Variants in DNAJC3 observed in about 807,000 individuals in gnomAD.
DNAJC3 encodes the protein DnaJ heat shock protein family (Hsp40) member C3.
In DNAJC3, 38 loss-of-function variants were observed where a neutral mutation model predicts 68.6. That is an observed-to-expected ratio of 0.55 (90% confidence interval 0.43 to 0.73). DNAJC3 has a LOEUF of 0.73. Among genes scored for constraint, DNAJC3 ranks in the 30% least tolerant of loss-of-function variants. The pLI is 0.00. For missense variants in DNAJC3, 526 were observed against 591.9 expected, an observed-to-expected ratio of 0.89 and a Z score of 1.16; for synonymous variants, 203 against 204.0, an observed-to-expected ratio of 1.00 and a Z score of 0.04.
intron 2 of DNAJC3, among the ~76,000 whole-genome samples, chr13:95,713,107 G>T (rs540803428): frequency 2.0e-5 from 3 of 152,044 alleles, no homozygotes; most frequent in African/African-American, 7.3e-5. Flanking sequence ...TACTCATGCC[G>T]AACTGTGAGT....
chr13:95,784,265 T>C (rs17878678), intron 9 of DNAJC3, among the ~76,000 whole-genome samples: 2,606 of 152,278 alleles, frequency 0.017, 78 homozygotes, highest in African/African-American at 0.06. Flanking sequence ...TTCCCTAGAC[T>C]ATCCCCAGAT....
chr13:95,745,739 A>G (rs550932055), intron 4 of DNAJC3: 1 of 152,138 alleles, frequency 6.6e-6, no homozygotes, highest in South Asian at 2.1e-4. Context: ...TCCCCTGCAC[A>G]CTCCAGAATA....
intron 2 of DNAJC3, among the ~76,000 whole-genome samples, chr13:95,712,430 G>A (rs917364459): frequency 6.8e-6 from 1 of 147,512 alleles, no homozygotes; most frequent in Non-Finnish European, 1.5e-5. Context: ...AAGCTGGAGT[G>A]TAGTAGTGCA....
rs368235535 is a variant in DNAJC3, at chr13:95,763,801, A to G, written c.955-32A>G. 3 of 1,613,816 alleles carry G rather than the reference A, an allele frequency of 1.9e-6. No homozygotes were observed. In the African/African-American group the frequency reaches 4.0e-5, roughly 22 times the overall value. ...TGAAAACTCAACATGTGGAATACCAACCATAAATCCTTGTCTCACATTTCC... is the reference window on the plus strand; with the variant it reads ...TGAAAACTCAACATGTGGAATACCAGCCATAAATCCTTGTCTCACATTTCC... On this transcript the variant is annotated intron_variant, in intron 8 of 11. Coordinates refer to ENST00000602402, the MANE Select transcript of DNAJC3 (RefSeq NM_006260.5).
intron 4 of DNAJC3, among the ~76,000 whole-genome samples, chr13:95,747,086 TA>T (rs1882326654): frequency 6.6e-6 from 1 of 152,362 alleles, no homozygotes; most frequent in Admixed American, 6.5e-5. Context: ...TAAATTTAAA[TA>T]GTCATTTCAT....
chr13:95,791,398 T>TAA lies in DNAJC3; in HGVS notation c.*369_*370dup. ...CAGAGTAAGTCAGTGCCTACAAGTG[T>TAA]AAGAAGGAGCTGTAATCTTCATGAG... On this transcript the variant is annotated 3_prime_UTR_variant, in exon 12 of 12. Coordinates refer to ENST00000602402, the MANE Select transcript of DNAJC3 (RefSeq NM_006260.5). 1 of 242,786 alleles carries TAA rather than the reference T, an allele frequency of 4.1e-6. No homozygotes were observed. The highest frequency in any genetic ancestry group is 8.0e-6 in the Non-Finnish European group (1 of 124,482). 15.0% of individuals were successfully genotyped at this position (242,786 alleles called of 1,614,324 possible). A position where few individuals can be genotyped will look rare whatever the true frequency, so the allele number is the denominator to read the frequency against.
chr13:95,760,245 C>A, intron 6 of DNAJC3, 24 bp downstream of exon 6: 1 of 1,479,272 alleles, frequency 6.8e-7, no homozygotes, highest in Non-Finnish European at 9.0e-7. Flanking sequence ...ACACACATGT[C>A]TGATCTTTTT....
At chr13:95,760,261 G>A (rs1209030786) in intron 6 of DNAJC3, 40 bp downstream of exon 6, 2 of 1,438,770 alleles carry the variant, frequency 1.4e-6, no homozygotes, top group South Asian at 1.7e-5. Flanking sequence ...TTTTTTAATT[G>A]TTGGCAGTAA....
chr13:95,715,378 A>G (rs73550562), intron 2 of DNAJC3, among the ~76,000 whole-genome samples: 1,716 of 152,318 alleles, frequency 0.011, 35 homozygotes, highest in African/African-American at 0.039. Context: ...TCTGGCCTGG[A>G]CAACAGAGTG....
chr13:95,745,779 G>C (rs1245525730), intron 4 of DNAJC3: 1 of 152,170 alleles, frequency 6.6e-6, no homozygotes, highest in Non-Finnish European at 1.5e-5. Flanking sequence ...TTTGAAGAAT[G>C]CTTGTTATTT....
At chr13:95,781,756 T>TAA (rs1883461430) in intron 9 of DNAJC3, among the ~76,000 whole-genome samples, 1 of 152,122 alleles carries the variant, frequency 6.6e-6, no homozygotes, top group Non-Finnish European at 1.5e-5. Flanking sequence ...TGGCTTATTC[T>TAA]ATTTTTCATA....
At chr13:95,755,017 G>A (rs1882608723) in intron 4 of DNAJC3, among the ~76,000 whole-genome samples, 1 of 152,106 alleles carries the variant, frequency 6.6e-6, no homozygotes, top group Non-Finnish European at 1.5e-5. Context: ...AAAGCCCTAA[G>A]GAAGAGAAAG....
At position 95,757,760 on chromosome 13, in the gene DNAJC3, T is replaced by A; in HGVS notation, c.510T>A (p.Tyr170Ter). 1 of 1,564,458 alleles carries A rather than the reference T, an allele frequency of 6.4e-7. No individual in the cohort carries two copies. The highest frequency in any genetic ancestry group is 8.8e-7 in the Non-Finnish European group (1 of 1,142,322). ...QALNAFGSGD[Y>*]TAAIAFLDKI... ...TTAACGCTTTTGGAAGTGGAGATTATACTGCTGCTATAGCCTTCCTTGATA... is the reference window on the plus strand; with the variant it reads ...TTAACGCTTTTGGAAGTGGAGATTAAACTGCTGCTATAGCCTTCCTTGATA... Residue 170 changes from tyrosine to a stop codon, truncating the protein, a stop_gained, in exon 5 of 12, where the codon TAT (tyrosine) becomes TAA (stop). Coordinates refer to ENST00000602402, the MANE Select transcript of DNAJC3 (RefSeq NM_006260.5). LOFTEE classifies it high-confidence loss of function.
chr13:95,677,486 G>C (rs1488098701), intron 1 of DNAJC3, 149 bp downstream of exon 1: 9 of 761,366 alleles, frequency 1.2e-5, no homozygotes, highest in Non-Finnish European at 1.6e-5. Flanking sequence ...GCCTGAGCCC[G>C]CGCCCGGTTC....
At chr13:95,733,907 A>C (rs1478403679) in intron 4 of DNAJC3, among the ~76,000 whole-genome samples, 1 of 152,052 alleles carries the variant, frequency 6.6e-6, no homozygotes, top group East Asian at 1.9e-4. Context: ...TTAAAAATCC[A>C]TTCAGTCAGT....
intron 9 of DNAJC3, among the ~76,000 whole-genome samples, chr13:95,775,853 G>A (rs994433983): frequency 1.6e-4 from 24 of 152,206 alleles, no homozygotes; most frequent in African/African-American, 5.8e-4. Flanking sequence ...GGATTTTTTG[G>A]AAAGCGTCAC....
chr13:95,779,297 C>G (rs972427370), intron 9 of DNAJC3, among the ~76,000 whole-genome samples: 7 of 151,526 alleles, frequency 4.6e-5, no homozygotes, highest in Admixed American at 2.0e-4. Context: ...CTAATTTTTT[C>G]TATTTTTTAG....
At chr13:95,766,514 C>G (rs1882997658) in intron 9 of DNAJC3, among the ~76,000 whole-genome samples, 1 of 152,168 alleles carries the variant, frequency 6.6e-6, no homozygotes. Context: ...TTTGCTAGAA[C>G]TTAAGCTGTG....
chr13:95,740,388 TG>T (rs1459046553), intron 4 of DNAJC3, among the ~76,000 whole-genome samples: 7 of 152,208 alleles, frequency 4.6e-5, no homozygotes, highest in African/African-American at 1.7e-4. Context: ...GCCTGGGCAA[TG>T]GCGGGCGCCC....
Sources: allele counts gnomAD v4.1 joint callset (sites outside exome capture counted in the v4.1 genomes callset), GRCh38; gene constraint gnomAD v4.1.1; transcripts MANE v1.5; gene names NCBI Gene and HGNC (gene_info 2026-07-23, HGNC 2026-07-21).